The following EPS8 variants were observed in gnomAD, a reference collection of about 807,000 sequenced individuals.
EPS8 encodes the protein epidermal growth factor receptor kinase substrate 8.
Under a neutral mutation model 103.8 loss-of-function variants are expected in EPS8, and 42 were observed. The ratio of observed to expected loss-of-function variants is 0.40; its 90% CI spans 0.32 to 0.52. The LOEUF (loss-of-function observed/expected upper bound fraction) is 0.52. Among genes scored for constraint, EPS8 ranks in the 20% least tolerant of loss-of-function variants. The probability of loss-of-function intolerance (pLI) is 0.40; values close to 1 mark genes in which losing one functional copy is unlikely to be tolerated. For missense variants in EPS8, 969 were observed against 1,005.1 expected, an observed-to-expected ratio of 0.96 and a Z score of 0.49; for synonymous variants, 344 against 344.6, an observed-to-expected ratio of 1.00 and a Z score of 0.02.
chr12:15,625,664 T>TTTTCTCCC (rs1944932622), intron 18 of EPS8, among the ~76,000 whole-genome samples: 3 of 152,168 alleles, frequency 2.0e-5, no homozygotes, highest in Admixed American at 2.0e-4. Context: ...CCTTGAAACA[T>TTTTCTCCC]TTTCTCCCTG....
chr12:15,671,057 G>C (rs1945807676), intron 3 of EPS8, 134 bp from the exon 4 acceptor site: 6 of 546,392 alleles, frequency 1.1e-5, no homozygotes, highest in African/African-American at 1.9e-5. Context: ...CCATTGTGTG[G>C]TGTATCTGAA....
Position 15,631,520 on chromosome 12 carries a change from G to A in EPS8, c.1966C>T (p.Arg656Cys), listed in dbSNP as rs1403174786. 8.7e-6 allele frequency: 14 copies of A among 1,613,888 alleles called. No individual in the cohort carries two copies. Among genetic ancestry groups the A allele is most frequent in the East Asian group, 2.2e-5 (1 of 44,896 alleles). The change falls in exon 18 of 21, where the codon CGT becomes TGT. Residue 656 changes from arginine (R) to cysteine (C), a missense_variant. Physicochemically the swap from Arg to Cys is radical, Grantham distance 180. Coordinates refer to ENST00000281172, the MANE Select transcript of EPS8 (RefSeq NM_004447.6). ...PVSKVPANIT[R>C]QNSSSSDSGG... is the part of the protein sequence containing the mutation. Reference sequence around the variant, plus strand: ...CTGTCACTGGAGCTGCTGTTTTGACGTGTTATATTTGCTGGGACCTTTGAC... The same window carrying A: ...CTGTCACTGGAGCTGCTGTTTTGACATGTTATATTTGCTGGGACCTTTGAC...
intron 1 of EPS8, among the ~76,000 whole-genome samples, chr12:15,692,387 C>G (rs1363909677): frequency 6.7e-6 from 1 of 148,836 alleles, no homozygotes; most frequent in Non-Finnish European, 1.5e-5. Context: ...TTCAATGACC[C>G]CTGCTGAATG....
Position 15,698,969 on chromosome 12 carries a change from A to G in EPS8, c.-21-15997T>C, listed in dbSNP as rs1946277369. Among the ~76,000 whole-genome samples the G allele has an allele frequency of 6.6e-6, 1 of 152,184 alleles. No individual in the cohort carries two copies. The highest frequency in any genetic ancestry group is 1.5e-5 in the Non-Finnish European group (1 of 68,026). On this transcript the variant is annotated intron_variant, in intron 1 of 20. Transcript: ENST00000281172. This position sits in a 1 kb window ranked among gnomAD's most constrained non-coding sequence, Gnocchi z 4.9. ...ATGCTTCAGATTTGAAAAAATGTAAATGACCATCAATCTACTAATATAAAT... is the reference window on the plus strand; with the variant it reads ...ATGCTTCAGATTTGAAAAAATGTAAGTGACCATCAATCTACTAATATAAAT...
Position 15,623,243 on chromosome 12 carries a change from G to T in EPS8, c.2270C>A (p.Ser757Tyr). The T allele has an allele frequency of 6.2e-7, 1 of 1,611,444 alleles. No individual in the cohort carries two copies. Among genetic ancestry groups the T allele is most frequent in the South Asian group, 1.1e-5 (1 of 90,946 alleles). Residue 757 changes from serine (S) to tyrosine (Y), a missense_variant, in exon 20 of 21, where the codon TCT (serine) becomes TAT (tyrosine). By Grantham distance (144) the Ser-to-Tyr change is moderately radical. Transcript: ENST00000281172. ...LGVLNGAQLF[S>Y]LNKDELRTVC... ...TGTCCTCAGTTCATCCTTATTGAGA[G>T]AGAAAAGTTGTGCACCATTTAATAC...
At chr12:15,675,590 C>T (rs1455247329) in intron 3 of EPS8, among the ~76,000 whole-genome samples, 1 of 152,118 alleles carries the variant, frequency 6.6e-6, no homozygotes, top group Non-Finnish European at 1.5e-5. Context: ...CAGAGCGAGA[C>T]CCTATCTCAA....
At chr12:15,765,104 AG>A (rs1470708950) in intron 1 of EPS8, among the ~76,000 whole-genome samples, 1 of 152,216 alleles carries the variant, frequency 6.6e-6, no homozygotes, top group Non-Finnish European at 1.5e-5. Context: ...CCAAACAAAA[AG>A]GAGCAGAGCC....
intron 1 of EPS8, among the ~76,000 whole-genome samples, chr12:15,718,519 T>C (rs1946557656): frequency 6.6e-6 from 1 of 152,188 alleles, no homozygotes. Flanking sequence ...GTACAAAGAA[T>C]TGAAGCAGGG....
intron 19 of EPS8, 55 bp from the exon 20 acceptor site, chr12:15,623,342 A>G: frequency 6.6e-7 from 1 of 1,509,310 alleles, no homozygotes; most frequent in African/African-American, 1.4e-5. Context: ...GCCTACAAAC[A>G]AAGGAGAAAA....
At position 15,663,976 on chromosome 12, in the gene EPS8, T is replaced by TATATATATACACAC. The variant is rs35142421; in HGVS notation, c.736+1779_736+1780insGTGTGTATATATAT. ...ATATATATATATATATATATATATA[T>TATATATATACACAC]ACACACACACATATATATATGGTTC... On this transcript the variant is annotated intron_variant, in intron 8 of 20. Transcript: ENST00000281172. 8.6e-5 allele frequency among the ~76,000 whole-genome samples: 9 copies of TATATATATACACAC among 104,448 alleles called. No individual in the cohort carries two copies. In the East Asian group the frequency reaches 2.7e-3, roughly 32 times the overall value. 68.5% of individuals were successfully genotyped at this position (104,448 alleles called of 152,430 possible).
chr12:15,663,941 A>AAAAT (rs1565487228), intron 8 of EPS8, among the ~76,000 whole-genome samples: 1 of 73,276 alleles, frequency 1.4e-5, no homozygotes, highest in Non-Finnish European at 2.5e-5. Flanking sequence ...AAAAAAAAAA[A>AAAAT]AAAAATAATA....
intron 1 of EPS8, among the ~76,000 whole-genome samples, chr12:15,768,541 T>C (rs1947121640): frequency 6.6e-6 from 1 of 151,000 alleles, no homozygotes; most frequent in Admixed American, 6.6e-5. Flanking sequence ...TATTAATTAA[T>C]AAGAACATCA....
chr12:15,666,742 A>T (rs1233852751), intron 6 of EPS8, among the ~76,000 whole-genome samples: 1 of 152,220 alleles, frequency 6.6e-6, no homozygotes, highest in African/African-American at 2.4e-5. Flanking sequence ...TTTAATGATT[A>T]TCTTAAAGGG....
At chr12:15,671,986 A>T (rs1417537717) in intron 3 of EPS8, among the ~76,000 whole-genome samples, 1 of 152,142 alleles carries the variant, frequency 6.6e-6, no homozygotes, top group Admixed American at 6.5e-5. Context: ...GAAACTTAAT[A>T]CCCTGGGCCT....
intron 3 of EPS8, among the ~76,000 whole-genome samples, chr12:15,676,683 T>C (rs1403257543): frequency 3.9e-5 from 6 of 152,160 alleles, no homozygotes; most frequent in African/African-American, 1.2e-4. Context: ...GAAAAAAATA[T>C]AAAATTTCCA....
intron 19 of EPS8, among the ~76,000 whole-genome samples, chr12:15,623,632 AT>A (rs1311651612): frequency 7.2e-5 from 11 of 152,186 alleles, no homozygotes; most frequent in Admixed American, 5.9e-4. Context: ...TCATTTTTCA[AT>A]CATGCTGGGT....
rs1316232116 is a variant in EPS8, at chr12:15,785,690, A to G, written c.-22+3471T>C. Among the ~76,000 whole-genome samples the G allele has an allele frequency of 6.6e-6, 1 of 152,084 alleles. No individual in the cohort carries two copies. Among genetic ancestry groups the G allele is most frequent in the African/African-American group, 2.4e-5 (1 of 41,440 alleles). On this transcript the variant is annotated intron_variant, in intron 1 of 20. Coordinates refer to ENST00000281172, the MANE Select transcript of EPS8 (RefSeq NM_004447.6). This position sits in a 1 kb window ranked among gnomAD's most constrained non-coding sequence, Gnocchi z 4.9. ...TCTTGGTTTCTAACACCATTCCCCAACAAAATGATCCAGATTCCTTGGAGA... is the reference window on the plus strand; with the variant it reads ...TCTTGGTTTCTAACACCATTCCCCAGCAAAATGATCCAGATTCCTTGGAGA...
chr12:15,709,914 T>C (rs1003601878), intron 1 of EPS8, among the ~76,000 whole-genome samples: 1 of 152,200 alleles, frequency 6.6e-6, no homozygotes, highest in Non-Finnish European at 1.5e-5. Flanking sequence ...GTAACCTAGA[T>C]CCCTCACATG....
At chr12:15,633,598 A>G (rs1267891868) in intron 17 of EPS8, among the ~76,000 whole-genome samples, 1 of 152,242 alleles carries the variant, frequency 6.6e-6, no homozygotes, top group Non-Finnish European at 1.5e-5. Flanking sequence ...CATTCATGCC[A>G]TTGTTACATA....
Sources: allele counts gnomAD v4.1 joint callset (sites outside exome capture counted in the v4.1 genomes callset), GRCh38; gene constraint gnomAD v4.1.1; non-coding constraint Gnocchi (gnomAD v3.1); transcripts MANE v1.5; gene names NCBI Gene and HGNC (gene_info 2026-07-23, HGNC 2026-07-21).